NEK7: variants seen among roughly 807,000 people sequenced by gnomAD.
NEK7 encodes the protein NIMA related kinase 7.
Under a neutral mutation model 44.6 loss-of-function variants are expected in NEK7, and 18 were observed. The ratio of observed to expected loss-of-function variants is 0.40; its 90% CI spans 0.28 to 0.60. The LOEUF is 0.60. Among genes scored for constraint, NEK7 ranks in the 20% least tolerant of loss-of-function variants. NEK7 has a pLI of 0.38. For missense variants in NEK7, 256 were observed against 366.5 expected (o/e 0.70, Z 2.46); for synonymous variants, 130 against 121.1 (o/e 1.07, Z -0.48).
intron 2 of NEK7, among the ~76,000 whole-genome samples, chr1:198,240,115 A>T (rs1044106727): frequency 5.9e-5 from 9 of 152,334 alleles, no homozygotes; most frequent in African/African-American, 2.2e-4. Context: ...TTCTTATAGT[A>T]TGTAGATTTC....
chr1:198,197,262 A>C (rs1029868162), intron 1 of NEK7, among the ~76,000 whole-genome samples: 1 of 152,186 alleles, frequency 6.6e-6, no homozygotes, highest in Admixed American at 6.5e-5. Flanking sequence ...ATTTCTAATA[A>C]AGAATAGTTT....
chr1:198,246,792 A>G (rs1436560866), intron 2 of NEK7, among the ~76,000 whole-genome samples: 2 of 152,224 alleles, frequency 1.3e-5, no homozygotes, highest in Non-Finnish European at 2.9e-5. Flanking sequence ...AAGTATCTGA[A>G]TTGTTTGATA....
intron 3 of NEK7, among the ~76,000 whole-genome samples, chr1:198,254,558 A>C (rs1320119896): frequency 6.6e-6 from 1 of 152,128 alleles, no homozygotes; most frequent in African/African-American, 2.4e-5. Context: ...ACTGTATAAT[A>C]TTCACTTGTT....
In NEK7 at chr1:198,178,930, C is replaced by T. The variant is rs114079941; in HGVS notation, c.-29+21654C>T. On this transcript the variant is annotated intron_variant, in intron 1 of 9. Coordinates refer to ENST00000367385, the MANE Select transcript of NEK7 (RefSeq NM_133494.3). ...ATTTGATTCATTATCTCATTTGGTT[C>T]AGTAAGAAAATTTGTGAGATAAGCT... 4.7e-3 allele frequency among the ~76,000 whole-genome samples: 715 copies of T among 150,938 alleles called. 8 individuals carry two copies. Among genetic ancestry groups the T allele is most frequent in the African/African-American group, 0.017 (684 of 41,172 alleles).
At chr1:198,253,632 T>G (rs1019379460) in intron 3 of NEK7, among the ~76,000 whole-genome samples, 4 of 152,160 alleles carry the variant, frequency 2.6e-5, no homozygotes, top group Admixed American at 2.6e-4. Context: ...TACTTGGAAA[T>G]AAAAACGAGG....
At chr1:198,234,191 C>T (rs1666482635) in intron 2 of NEK7, among the ~76,000 whole-genome samples, 2 of 151,936 alleles carry the variant, frequency 1.3e-5, no homozygotes, top group East Asian at 3.9e-4. Context: ...GAAATGAGTC[C>T]TTTACTTAAT....
chr1:198,168,944 T>C (rs1375519333), intron 1 of NEK7, among the ~76,000 whole-genome samples: 3 of 152,222 alleles, frequency 2.0e-5, no homozygotes, highest in Middle Eastern at 6.8e-3. Context: ...GCAGAACATA[T>C]GGGAAAGGAA....
chr1:198,220,983 A>G (rs778690860), intron 1 of NEK7: 6 of 152,106 alleles, frequency 3.9e-5, no homozygotes, highest in South Asian at 2.1e-4. Context: ...AAGATTGAAA[A>G]GACACTTTAT....
At chr1:198,167,453 A>G (rs1664301950) in intron 1 of NEK7, among the ~76,000 whole-genome samples, 1 of 152,200 alleles carries the variant, frequency 6.6e-6, no homozygotes, top group South Asian at 2.1e-4. Context: ...CATTAACATG[A>G]TGATGATAAT....
At chr1:198,227,192 A>G (rs569209071) in intron 1 of NEK7, among the ~76,000 whole-genome samples, 21 of 152,336 alleles carry the variant, frequency 1.4e-4, no homozygotes, top group African/African-American at 3.8e-4. Flanking sequence ...TACAAAGGAC[A>G]TGAACTCATC....
chr1:198,256,907 C>T (rs968494211), intron 3 of NEK7, among the ~76,000 whole-genome samples: 1 of 152,128 alleles, frequency 6.6e-6, no homozygotes, highest in Non-Finnish European at 1.5e-5. Flanking sequence ...TTATATTTTG[C>T]TCATTGATTA....
At chr1:198,201,435 G>A (rs375973818) in intron 1 of NEK7, among the ~76,000 whole-genome samples, 10 of 152,118 alleles carry the variant, frequency 6.6e-5, no homozygotes, top group Non-Finnish European at 1.3e-4. Context: ...ACATAGTCAC[G>A]TATGTCCCTT....
Position 198,263,544 on chromosome 1 carries a change from G to A in NEK7, c.262-581G>A, listed in dbSNP as rs998653566. Among the ~76,000 whole-genome samples the A allele has an allele frequency of 4.0e-5, 6 of 151,744 alleles. No individual in the cohort carries two copies. The East Asian group carries it at 1.2e-3, about 29-fold the overall frequency. On this transcript the variant is annotated intron_variant, in intron 4 of 9. Coordinates refer to ENST00000367385, the MANE Select transcript of NEK7 (RefSeq NM_133494.3). Reference sequence around the variant, plus strand: ...GAACAAAAGGATTGCAAATGAGTAGGGACTGATACGTATATTTCTACAAGG... The same window carrying A: ...GAACAAAAGGATTGCAAATGAGTAGAGACTGATACGTATATTTCTACAAGG...
chr1:198,307,909 G>T (rs1379677265), intron 9 of NEK7, among the ~76,000 whole-genome samples: 1 of 151,992 alleles, frequency 6.6e-6, no homozygotes, highest in Admixed American at 6.6e-5. Context: ...AGACCAAGTA[G>T]GTAAAAGTAA....
chr1:198,166,236 T>A (rs1664263673), intron 1 of NEK7, among the ~76,000 whole-genome samples: 1 of 152,274 alleles, frequency 6.6e-6, no homozygotes, highest in African/African-American at 2.4e-5. Flanking sequence ...TTTATACAGA[T>A]GTTTTACTCA....
chr1:198,294,207 A>C (rs1654645064), intron 8 of NEK7, among the ~76,000 whole-genome samples: 1 of 151,974 alleles, frequency 6.6e-6, no homozygotes, highest in African/African-American at 2.4e-5. Flanking sequence ...TTCTTAAATA[A>C]ACTCATACTT....
chr1:198,266,656 A>C (rs1295095711), intron 5 of NEK7, among the ~76,000 whole-genome samples: 2 of 152,106 alleles, frequency 1.3e-5, no homozygotes, highest in African/African-American at 4.8e-5. Flanking sequence ...CAGTTTCTAC[A>C]TCAATAAAAT....
At chr1:198,316,551 T>A (rs781393150) in intron 9 of NEK7, among the ~76,000 whole-genome samples, 2 of 152,214 alleles carry the variant, frequency 1.3e-5, no homozygotes, top group Non-Finnish European at 2.9e-5. Flanking sequence ...CTTAATCTTT[T>A]ACCTTTATCT....
At chr1:198,304,949 T>C (rs1654982889) in intron 9 of NEK7, among the ~76,000 whole-genome samples, 1 of 152,168 alleles carries the variant, frequency 6.6e-6, no homozygotes, top group African/African-American at 2.4e-5. Context: ...CAGTTTTCTC[T>C]GATTTTGCAA....
Sources: allele counts gnomAD v4.1 joint callset (sites outside exome capture counted in the v4.1 genomes callset), GRCh38; gene constraint gnomAD v4.1.1; transcripts MANE v1.5; gene names NCBI Gene and HGNC (gene_info 2026-07-23, HGNC 2026-07-21).